The following TAX1BP1 variants were observed in gnomAD, a reference collection of about 807,000 sequenced individuals.
TAX1BP1 encodes tax1-binding protein 1.
Under a neutral mutation model 97.7 loss-of-function variants are expected in TAX1BP1, and 62 were observed. The observed-to-expected ratio is 0.63, with a 90% CI of 0.52 to 0.78. TAX1BP1 has a LOEUF of 0.78. Ranked by LOEUF, TAX1BP1 falls within the 30% of genes least tolerant of loss-of-function variation. The pLI, the probability that TAX1BP1 is intolerant of heterozygous loss-of-function variation, is 0.00. For missense variants in TAX1BP1, 867 were observed against 916.1 expected, an observed-to-expected ratio of 0.95 and a Z score of 0.69; for synonymous variants, 340 against 304.2, an observed-to-expected ratio of 1.12 and a Z score of -1.23.
At chr7:27,823,861 T>C (rs896918660) in intron 15 of TAX1BP1, among the ~76,000 whole-genome samples, 14 of 152,204 alleles carry the variant, frequency 9.2e-5, no homozygotes, top group Non-Finnish European at 1.8e-4. Context: ...TCATATAGTA[T>C]TTGTCTTTTT....
At chr7:27,817,551 A>G (rs1030878907) in intron 15 of TAX1BP1, among the ~76,000 whole-genome samples, 1 of 152,182 alleles carries the variant, frequency 6.6e-6, no homozygotes, top group South Asian at 2.1e-4. Context: ...TTGGAGAAAT[A>G]CTATTTGAGA....
chr7:27,825,284 C>A (rs1202358858), intron 15 of TAX1BP1, among the ~76,000 whole-genome samples: 1 of 150,112 alleles, frequency 6.7e-6, no homozygotes, highest in African/African-American at 2.5e-5. Flanking sequence ...AGCTTCATTT[C>A]CAAATTAAAG....
rs1789692248 is a variant in TAX1BP1, at chr7:27,791,172, G to A, written c.1039-834G>A. Among the ~76,000 whole-genome samples the A allele has an allele frequency of 2.0e-5, 3 of 151,924 alleles. No individual in the cohort carries two copies. The South Asian group carries it at 6.2e-4, about 31-fold the overall frequency. ...TTAGTGTGATGCCTCCGAAGATTTT[G>A]TCCATGCCAACACTGCATAAAATCA... On this transcript the variant is annotated intron_variant, in intron 8 of 16. Coordinates refer to ENST00000396319, the MANE Select transcript of TAX1BP1 (RefSeq NM_006024.7).
chr7:27,758,223 A>G, intron 3 of TAX1BP1, 90 bp downstream of exon 3: 1 of 1,031,228 alleles, frequency 9.7e-7, no homozygotes, highest in South Asian at 1.6e-5. Context: ...TTGTTCAGGT[A>G]TCTCCAGGGT....
Position 27,796,133 on chromosome 7 carries a change from A to G in TAX1BP1, c.1552A>G (p.Ile518Val), listed in dbSNP as rs939286378. 6.2e-6 allele frequency: 10 copies of G among 1,606,616 alleles called. No individual in the cohort carries two copies. The African/African-American group carries it at 6.7e-5, about 11-fold the overall frequency. ...SPSAAEADFDIVTKGQVCEMT... is the reference protein window; with the variant it reads ...SPSAAEADFDVVTKGQVCEMT... ...TTCTACAGCAGAGGCAGATTTTGAC[A>G]TAGTAACAAAGGGGCAAGTCTGTGA... is the stretch of plus-strand genomic sequence containing the variant. Residue 518 changes from isoleucine (I) to valine (V), a missense_variant, in exon 12 of 17, where the codon ATA becomes GTA. Physicochemically the swap from Ile to Val is conservative, Grantham distance 29. Around this residue, in one of 3 missense-constraint regions of TAX1BP1, gnomAD observed 822 missense variants for 851.4 expected, o/e 0.97. Coordinates refer to ENST00000396319, the MANE Select transcript of TAX1BP1 (RefSeq NM_006024.7).
At chr7:27,768,728 A>G (rs1295342317) in intron 4 of TAX1BP1, among the ~76,000 whole-genome samples, 1 of 152,020 alleles carries the variant, frequency 6.6e-6, no homozygotes, top group Non-Finnish European at 1.5e-5. Context: ...GAATAAATAA[A>G]CTTTTCCTGG....
At chr7:27,819,875 G>A (rs764985079) in intron 15 of TAX1BP1, among the ~76,000 whole-genome samples, 2 of 152,052 alleles carry the variant, frequency 1.3e-5, no homozygotes, top group Non-Finnish European at 1.5e-5. Flanking sequence ...GTAACCCTCG[G>A]AATTTACTGT....
chr7:27,757,495 C>T (rs10951178), intron 2 of TAX1BP1, among the ~76,000 whole-genome samples: 2 of 151,852 alleles, frequency 1.3e-5, no homozygotes, highest in Non-Finnish European at 2.9e-5. Flanking sequence ...AAAACACTTA[C>T]ATTGGAGGTA....
chr7:27,800,128 A>G (rs760954015), intron 13 of TAX1BP1, 38 bp downstream of exon 13: 139 of 1,496,904 alleles, frequency 9.3e-5, no homozygotes, highest in Non-Finnish European at 1.2e-4. Context: ...CTTAAGGCAT[A>G]AACTTCTGAA....
At chr7:27,815,552 G>C (rs1298712093) in intron 13 of TAX1BP1, among the ~76,000 whole-genome samples, 2 of 152,030 alleles carry the variant, frequency 1.3e-5, no homozygotes, top group Admixed American at 6.6e-5. Context: ...ATAAGTTAAG[G>C]CTTTTGCATC....
intron 13 of TAX1BP1, among the ~76,000 whole-genome samples, chr7:27,816,076 A>T (rs1031769369): frequency 4.6e-5 from 7 of 152,180 alleles, no homozygotes; most frequent in African/African-American, 1.7e-4. Flanking sequence ...TTCACAGTTT[A>T]CCCTACATTA....
rs949749856 is a variant in TAX1BP1 at position 27,787,617 on chromosome 7, C to A, written c.1038+14C>A. ...ACCTCAAGTAAAGTAAGTACTTTTG[C>A]TATATATATTTGAAGATTGTAAAAC... is the stretch of plus-strand genomic sequence containing the variant. On this transcript the variant is annotated intron_variant, in intron 8 of 16. Transcript: ENST00000396319. 4.4e-6 allele frequency: 7 copies of A among 1,585,638 alleles called. No individual in the cohort carries two copies. The highest frequency in any genetic ancestry group is 1.9e-5 in the Admixed American group (1 of 54,022).
At chr7:27,817,133 C>A (rs112436273) in intron 15 of TAX1BP1, 95 bp downstream of exon 15, 1 of 1,390,054 alleles carries the variant, frequency 7.2e-7, no homozygotes, top group Non-Finnish European at 9.7e-7. Flanking sequence ...TATCTTTGTG[C>A]GTGCATGCGT....
intron 5 of TAX1BP1, 40 bp from the exon 6 acceptor site, chr7:27,785,123 T>C (rs757655178): frequency 6.4e-7 from 1 of 1,565,504 alleles, no homozygotes; most frequent in South Asian, 1.2e-5. Context: ...ACTGATTATG[T>C]TTCTGTGTTT....
chr7:27,746,675 C>T lies in TAX1BP1; in HGVS notation c.-7-1843C>T, dbSNP rs1181013998. 2.6e-5 allele frequency among the ~76,000 whole-genome samples: 4 copies of T among 151,748 alleles called. No individual in the cohort carries two copies. In the East Asian group the frequency reaches 5.8e-4, roughly 22 times the overall value. On this transcript the variant is annotated intron_variant, in intron 1 of 16. Transcript: ENST00000396319. ...AAATATGGTTGCTGGTAGCAAAGTC[C>T]CTTTATTAGTGCAGAGGTAAAGGGG...
chr7:27,789,425 C>G (rs1479255665), intron 8 of TAX1BP1, among the ~76,000 whole-genome samples: 2 of 151,718 alleles, frequency 1.3e-5, no homozygotes, highest in Non-Finnish European at 3.0e-5. Flanking sequence ...CTTTTCTTAC[C>G]TATGCCCATA....
chr7:27,750,861 A>G (rs1285832558), intron 2 of TAX1BP1, among the ~76,000 whole-genome samples: 1 of 152,040 alleles, frequency 6.6e-6, no homozygotes, highest in Non-Finnish European at 1.5e-5. Context: ...TGCCTTCCAT[A>G]TTTTTTACCA....
chr7:27,770,538 G>C (rs1376030221), intron 5 of TAX1BP1, among the ~76,000 whole-genome samples: 1 of 152,036 alleles, frequency 6.6e-6, no homozygotes, highest in Non-Finnish European at 1.5e-5. Context: ...AGCCGGTTGG[G>C]CATATTTATG....
intron 2 of TAX1BP1, among the ~76,000 whole-genome samples, chr7:27,751,466 G>GTA (rs907383044): frequency 6.6e-6 from 1 of 152,006 alleles, no homozygotes; most frequent in African/African-American, 2.4e-5. Flanking sequence ...CATAGTGTGT[G>GTA]TATATATTCG....
Sources: gnomAD v4.1 joint callset for allele counts (sites outside exome capture counted in the v4.1 genomes callset) on GRCh38, gnomAD v4.1.1 for gene constraint, gnomAD v4.1.1 regional missense constraint, MANE v1.5 for transcripts, NCBI Gene and HGNC (gene_info 2026-07-23, HGNC 2026-07-21) for gene names.